SLC4A4: variants seen among roughly 807,000 people sequenced by gnomAD.
SLC4A4 encodes the protein electrogenic sodium bicarbonate cotransporter 1.
Under a neutral mutation model 111.5 loss-of-function variants are expected in SLC4A4, and 27 were observed. The ratio of observed to expected loss-of-function variants is 0.24; its 90% confidence interval spans 0.18 to 0.33. SLC4A4 has a LOEUF of 0.33. Among genes scored for constraint, SLC4A4 ranks in the 10% least tolerant of loss-of-function variants. The pLI is 1.00. For synonymous variants in SLC4A4, 443 were observed against 463.4 expected, an observed-to-expected ratio of 0.96 and a Z score of 0.57; for missense variants, 909 against 1,315.5, an observed-to-expected ratio of 0.69 and a Z score of 4.78.
chr4:71,242,202 A>G (rs1044102849), intron 2 of SLC4A4, among the ~76,000 whole-genome samples: 1 of 152,224 alleles, frequency 6.6e-6, no homozygotes, highest in East Asian at 1.9e-4. Flanking sequence ...AAGCCATACC[A>G]AATTGCACGT....
chr4:71,433,526 G>A lies in SLC4A4; in HGVS notation c.808-7090G>A, dbSNP rs1028080576. On this transcript the variant is annotated intron_variant, in intron 7 of 25. Coordinates refer to ENST00000264485, the MANE Select transcript of SLC4A4 (RefSeq NM_001098484.3). Reference sequence around the variant, plus strand: ...TTGTTTAAGTTTCTTGTAGATTCTGGATATTAGCCCTGTGTCAGATGGATA... The same window carrying A: ...TTGTTTAAGTTTCTTGTAGATTCTGAATATTAGCCCTGTGTCAGATGGATA... Among the ~76,000 whole-genome samples the A allele has an allele frequency of 2.0e-5, 3 of 151,830 alleles. No homozygotes were observed. The Admixed American group carries it at 2.0e-4, about 10-fold the overall frequency.
chr4:71,478,596 C>T (rs113034933), intron 14 of SLC4A4, among the ~76,000 whole-genome samples: 19,908 of 143,918 alleles, frequency 0.14, 1,565 homozygotes, highest in African/African-American at 0.23. Context: ...CATCACACAC[C>T]GGGGTCTGTT....
intron 13 of SLC4A4, 51 bp from the exon 14 acceptor site, chr4:71,472,648 C>T (rs780892176): frequency 1.3e-5 from 20 of 1,566,762 alleles, no homozygotes; most frequent in Non-Finnish European, 1.4e-5. Flanking sequence ...TTATATTATT[C>T]TTTGTGTTCC....
intron 1 of SLC4A4, among the ~76,000 whole-genome samples, chr4:71,080,917 C>T (rs1406156180): frequency 6.6e-6 from 1 of 152,044 alleles, no homozygotes; most frequent in African/African-American, 2.4e-5. Flanking sequence ...ATTCTTATCA[C>T]AAAATACATA....
At chr4:71,198,032 A>C (rs556651608) in intron 1 of SLC4A4, among the ~76,000 whole-genome samples, 1 of 152,350 alleles carries the variant, frequency 6.6e-6, no homozygotes, top group South Asian at 2.1e-4. Context: ...TGAAGTCCAA[A>C]TGTTGTTCCT....
In SLC4A4 at chr4:71,417,863, G is replaced by A. The variant is rs185591256; in HGVS notation, c.807+20210G>A. Among the ~76,000 whole-genome samples, 356 of 152,252 alleles carry A rather than the reference G, an allele frequency of 2.3e-3. 3 individuals carry two copies. The highest frequency in any genetic ancestry group is 8.1e-3 in the African/African-American group (336 of 41,570). On this transcript the variant is annotated intron_variant, in intron 7 of 25. Coordinates refer to ENST00000264485, the MANE Select transcript of SLC4A4 (RefSeq NM_001098484.3). ...ACATGTAATGGTTTCACCGTATAGT[G>A]AAGTGAATATTCAACTCATGGCCTG... is the stretch of plus-strand genomic sequence containing the variant.
intron 6 of SLC4A4, among the ~76,000 whole-genome samples, chr4:71,371,002 A>T (rs1578942266): frequency 6.6e-6 from 1 of 152,152 alleles, no homozygotes; most frequent in Admixed American, 6.5e-5. Flanking sequence ...TTTGATGTAT[A>T]ATCACCTTCC....
At chr4:71,510,246 G>A (rs1000698123) in intron 16 of SLC4A4, among the ~76,000 whole-genome samples, 1 of 152,178 alleles carries the variant, frequency 6.6e-6, no homozygotes, top group African/African-American at 2.4e-5. Flanking sequence ...ATAGTGTGAC[G>A]AAGCAGAAGG....
At chr4:71,426,468 G>T (rs1271376717) in intron 7 of SLC4A4, among the ~76,000 whole-genome samples, 1 of 152,148 alleles carries the variant, frequency 6.6e-6, no homozygotes, top group African/African-American at 2.4e-5. Flanking sequence ...AAGGTGTGGG[G>T]AGGGTGGAGA....
At chr4:71,311,043 CGTA>C in intron 3 of SLC4A4, among the ~76,000 whole-genome samples, 1 of 152,188 alleles carries the variant, frequency 6.6e-6, no homozygotes, top group East Asian at 1.9e-4. Context: ...GGGTTGCAAT[CGTA>C]GTCTCTGATA....
At chr4:71,197,283 T>C (rs1746052911) in intron 1 of SLC4A4, among the ~76,000 whole-genome samples, 1 of 152,234 alleles carries the variant, frequency 6.6e-6, no homozygotes, top group South Asian at 2.1e-4. Flanking sequence ...TGATCATTGC[T>C]ATTAGGCTTT....
At chr4:71,315,211 TTGG>T in intron 3 of SLC4A4, among the ~76,000 whole-genome samples, 1 of 152,160 alleles carries the variant, frequency 6.6e-6, no homozygotes, top group East Asian at 1.9e-4. Flanking sequence ...TCTGTGCCAA[TTGG>T]TATCAGACCT....
intron 2 of SLC4A4, among the ~76,000 whole-genome samples, chr4:71,162,562 C>T (rs765807894): frequency 8.5e-5 from 13 of 152,134 alleles, no homozygotes; most frequent in Non-Finnish European, 1.8e-4. Flanking sequence ...TTGTCCTTAT[C>T]TTTTAAATGG....
chr4:71,434,844 C>A (rs1320264545), intron 7 of SLC4A4, among the ~76,000 whole-genome samples: 1 of 151,852 alleles, frequency 6.6e-6, no homozygotes, highest in Non-Finnish European at 1.5e-5. Flanking sequence ...AATAAAATAC[C>A]CAGGAATACA....
intron 2 of SLC4A4, among the ~76,000 whole-genome samples, chr4:71,136,881 A>G (rs904862040): frequency 5.3e-5 from 8 of 152,186 alleles, no homozygotes; most frequent in African/African-American, 1.9e-4. Context: ...TGCTTTACAT[A>G]CAAAGAGGCT....
intron 1 of SLC4A4, among the ~76,000 whole-genome samples, chr4:71,086,951 T>A (rs552238127): frequency 1.3e-5 from 2 of 152,196 alleles, no homozygotes; most frequent in East Asian, 3.9e-4. Flanking sequence ...CCTCTTTTTC[T>A]ATTGATTGGA....
At chr4:71,367,412 C>CA (rs1483225828) in intron 6 of SLC4A4, among the ~76,000 whole-genome samples, 1 of 152,204 alleles carries the variant, frequency 6.6e-6, no homozygotes, top group African/African-American at 2.4e-5. Flanking sequence ...ACTGATCTGG[C>CA]ATTTCACTGG....
chr4:71,106,107 G>T (rs1742910250), intron 2 of SLC4A4, among the ~76,000 whole-genome samples: 1 of 150,536 alleles, frequency 6.6e-6, no homozygotes, highest in African/African-American at 2.4e-5. Context: ...CAAAAAGTGG[G>T]CGAAGGACAT....
In SLC4A4 at chr4:71,122,747, T is replaced by TC. The variant is rs954251241; in HGVS notation, c.-2+29961dup. Among the ~76,000 whole-genome samples the TC allele has an allele frequency of 6.2e-4, 95 of 152,074 alleles. 1 individual carries two copies. Among genetic ancestry groups the TC allele is most frequent in the Middle Eastern group, 6.8e-3 (2 of 294 alleles). On this transcript the variant is annotated intron_variant, in intron 2 of 26. Coordinates refer to the SLC4A4 transcript ENST00000649996. ...TGGCCGTAGAGTTTCTCCCAGACCATCCCCCCTCGGCATCTCCTTGCCTAC... is the reference window on the plus strand; with the variant it reads ...TGGCCGTAGAGTTTCTCCCAGACCATCCCCCCCTCGGCATCTCCTTGCCTAC...
Sources: gnomAD v4.1 joint callset for allele counts (sites outside exome capture counted in the v4.1 genomes callset) on GRCh38, gnomAD v4.1.1 for gene constraint, MANE v1.5 for transcripts, NCBI Gene and HGNC (gene_info 2026-07-23, HGNC 2026-07-21) for gene names.